The following BLNK variants were observed in gnomAD, a reference collection of about 807,000 sequenced individuals.
BLNK encodes B-cell linker protein.
Under a neutral mutation model 73.5 loss-of-function variants are expected in BLNK, and 29 were observed. The ratio of observed to expected loss-of-function variants is 0.39; its 90% CI spans 0.29 to 0.54. The LOEUF is 0.54. Among genes scored for constraint, BLNK ranks in the 20% least tolerant of loss-of-function variants. The probability of loss-of-function intolerance (pLI) is 0.61; values close to 1 mark genes in which losing one functional copy is unlikely to be tolerated. For missense variants in BLNK, 460 were observed against 562.8 expected (o/e 0.82, Z 1.85); for synonymous variants, 176 against 200.8 (o/e 0.88, Z 1.04).
chr10:96,203,422 A>C (rs2083704131), intron 13 of BLNK, among the ~76,000 whole-genome samples: 1 of 152,160 alleles, frequency 6.6e-6, no homozygotes, highest in Admixed American at 6.5e-5. Context: ...ATTTAAATGG[A>C]TTTAAGCTTT....
At chr10:96,210,069 T>C in intron 8 of BLNK, 162 bp from the exon 9 acceptor site, 1 of 763,196 alleles carries the variant, frequency 1.3e-6, no homozygotes, top group South Asian at 1.5e-5. Context: ...AAGGAAAACT[T>C]GTGGGCAAAG....
intron 2 of BLNK, 56 bp from the exon 3 acceptor site, chr10:96,242,840 G>A (rs1842921569): frequency 1.4e-6 from 2 of 1,429,824 alleles, no homozygotes; most frequent in Middle Eastern, 1.7e-4. Flanking sequence ...GATGGTCAAA[G>A]CCGATGCTAG....
At chr10:96,235,445 G>C (rs1842657019) in intron 3 of BLNK, among the ~76,000 whole-genome samples, 1 of 152,152 alleles carries the variant, frequency 6.6e-6, no homozygotes, top group Non-Finnish European at 1.5e-5. Context: ...CAGTGCTTAG[G>C]GAGCAAAGCC....
chr10:96,204,503 A>C, intron 12 of BLNK, 29 bp downstream of exon 12: 1 of 1,606,628 alleles, frequency 6.2e-7, no homozygotes, highest in Non-Finnish European at 8.5e-7. Context: ...AACAAGAGGA[A>C]ACTGATCTTT....
rs149591434 is a variant in BLNK, at chr10:96,247,504, C to A, written c.48-455G>T. Among the ~76,000 whole-genome samples the A allele has an allele frequency of 3.6e-3, 543 of 152,256 alleles. 2 individuals carry two copies. Among genetic ancestry groups the A allele is most frequent in the Middle Eastern group, 6.8e-3 (2 of 294 alleles). ...GTCATAAAGAAAATGACTATTAAAT[C>A]TGGCTGATATTTGAAACTTCTGTAG... On this transcript the variant is annotated intron_variant, in intron 1 of 16. Transcript: ENST00000224337.
At chr10:96,194,293 C>T (rs1404211589) in intron 16 of BLNK, among the ~76,000 whole-genome samples, 1 of 152,160 alleles carries the variant, frequency 6.6e-6, no homozygotes, top group African/African-American at 2.4e-5. Context: ...CATTTTAAAA[C>T]CAAAGATTGG....
chr10:96,259,791 G>A (rs1209640365), intron 1 of BLNK, among the ~76,000 whole-genome samples: 1 of 141,526 alleles, frequency 7.1e-6, no homozygotes, highest in Non-Finnish European at 1.5e-5. Context: ...GTCAGAAATT[G>A]GGCTGACTTG....
chr10:96,189,753 T>C lies in BLNK; in HGVS notation c.*2220A>G. 1 of 758,378 alleles carries C rather than the reference T, an allele frequency of 1.3e-6. No homozygotes were observed. Among genetic ancestry groups the C allele is most frequent in the Non-Finnish European group, 2.4e-6 (1 of 423,810 alleles). 47.0% of individuals were successfully genotyped at this position (758,378 alleles called of 1,614,324 possible). A position where few individuals can be genotyped will look rare whatever the true frequency, so the allele number is the denominator to read the frequency against. On this transcript the variant is annotated 3_prime_UTR_variant, in exon 17 of 17. Coordinates refer to ENST00000224337, the MANE Select transcript of BLNK (RefSeq NM_013314.4). ...CATCATCTTCATCAGCAGCAAGTTT[T>C]ACTTTTATTCTCTGGAATCTTGCTA...
intron 8 of BLNK, among the ~76,000 whole-genome samples, chr10:96,213,329 G>A (rs1309576870): frequency 6.6e-6 from 1 of 152,246 alleles, no homozygotes; most frequent in African/African-American, 2.4e-5. Context: ...TGAAGGCAAG[G>A]TCTCCAAGGA....
rs113872278 is a variant in BLNK, at chr10:96,191,184, C to T, written c.*789G>A. Among the ~76,000 whole-genome samples the T allele has an allele frequency of 0.023, 3,547 of 151,168 alleles. 133 individuals carry two copies. Among genetic ancestry groups the T allele is most frequent in the African/African-American group, 0.08 (3,275 of 41,140 alleles). On this transcript the variant is annotated 3_prime_UTR_variant, in exon 17 of 17. Transcript: ENST00000224337. ...CCTTTGCTTCTTCTTTGCCTTCTGC[C>T]ATGATTGTGAGGCCTCCCCAACCAT...
intron 4 of BLNK, among the ~76,000 whole-genome samples, chr10:96,229,032 T>G (rs1317066043): frequency 5.3e-5 from 8 of 152,226 alleles, no homozygotes; most frequent in African/African-American, 1.4e-4. Flanking sequence ...TAATAACATC[T>G]GGGTAAATGG....
chr10:96,234,289 C>G (rs1842618533), intron 3 of BLNK, among the ~76,000 whole-genome samples: 1 of 152,178 alleles, frequency 6.6e-6, no homozygotes, highest in South Asian at 2.1e-4. Context: ...TGTTGGTGCC[C>G]CATCGATTCC....
At position 96,255,082 on chromosome 10, in the gene BLNK, C is replaced by G. The variant is rs562539422; in HGVS notation, c.48-8033G>C. Among the ~76,000 whole-genome samples, 4 of 152,184 alleles carry G rather than the reference C, an allele frequency of 2.6e-5. No homozygotes were observed. In the East Asian group the frequency reaches 7.7e-4, roughly 29 times the overall value. ...AGGATAGGAGAACTTTGTACATACCCCAGGGAAGTTCGTCTGGCCAAGAGA... is the reference window on the plus strand; with the variant it reads ...AGGATAGGAGAACTTTGTACATACCGCAGGGAAGTTCGTCTGGCCAAGAGA... On this transcript the variant is annotated intron_variant, in intron 1 of 16. Coordinates refer to ENST00000224337, the MANE Select transcript of BLNK (RefSeq NM_013314.4).
intron 1 of BLNK, among the ~76,000 whole-genome samples, chr10:96,248,369 C>G (rs1441182683): frequency 6.6e-6 from 1 of 152,096 alleles, no homozygotes; most frequent in Non-Finnish European, 1.5e-5. Flanking sequence ...AAAACAAATA[C>G]AAGTGGTCAA....
At chr10:96,211,302 T>C (rs10882744) in intron 8 of BLNK, among the ~76,000 whole-genome samples, 96,905 of 151,974 alleles carry the variant, frequency 0.64, 31,591 homozygotes, top group Middle Eastern at 0.76. Flanking sequence ...CAAGGATTAT[T>C]GAGGACTTGG....
At chr10:96,232,025 C>T (rs1281671075) in intron 3 of BLNK, among the ~76,000 whole-genome samples, 9 of 152,326 alleles carry the variant, frequency 5.9e-5, no homozygotes, top group East Asian at 1.9e-4. Context: ...ACAGCCCAGG[C>T]GAATATTTGA....
At chr10:96,198,945 C>A (rs1348503803) in intron 15 of BLNK, among the ~76,000 whole-genome samples, 2 of 152,168 alleles carry the variant, frequency 1.3e-5, no homozygotes. Context: ...GTGATCCACT[C>A]ACCTCGGCCC....
intron 8 of BLNK, among the ~76,000 whole-genome samples, chr10:96,214,599 A>T (rs906703263): frequency 6.6e-6 from 1 of 152,132 alleles, no homozygotes; most frequent in Non-Finnish European, 1.5e-5. Flanking sequence ...GGCTCTACGC[A>T]TTGAGAAACA....
intron 1 of BLNK, among the ~76,000 whole-genome samples, chr10:96,247,378 G>T (rs1843088733): frequency 6.6e-6 from 1 of 152,168 alleles, no homozygotes; most frequent in Non-Finnish European, 1.5e-5. Context: ...CTACTCTGTG[G>T]ACATAGCAGA....
Sources: gnomAD v4.1 joint callset for allele counts (sites outside exome capture counted in the v4.1 genomes callset) on GRCh38, gnomAD v4.1.1 for gene constraint, MANE v1.5 for transcripts, NCBI Gene and HGNC (gene_info 2026-07-23, HGNC 2026-07-21) for gene names.